The following PON3 variants were observed in gnomAD, a reference collection of about 807,000 sequenced individuals.
PON3 encodes paraoxonase 3.
PON3 carries 37 observed loss-of-function variants against 36.3 expected under a neutral mutation model. The ratio of observed to expected loss-of-function variants is 1.02; its 90% CI spans 0.78 to 1.34. The LOEUF is 1.34. PON3 is among the 40% of genes most tolerant of loss of function. The pLI, the probability that PON3 is intolerant of heterozygous loss-of-function variation, is 0.00. For missense variants in PON3, 415 were observed against 426.5 expected (o/e 0.97, Z 0.24); for synonymous variants, 155 against 154.8 (o/e 1.00, Z -0.01).
intron 5 of PON3, among the ~76,000 whole-genome samples, chr7:95,366,711 A>G (rs2116381662): frequency 6.6e-6 from 1 of 152,356 alleles, no homozygotes; most frequent in South Asian, 2.1e-4. Context: ...TTGAATTCAG[A>G]TGGATCTGGG....
chr7:95,383,137 C>T (rs920908055), intron 3 of PON3, among the ~76,000 whole-genome samples: 20 of 151,996 alleles, frequency 1.3e-4, no homozygotes, highest in African/African-American at 1.9e-4. Flanking sequence ...AAAAGGCCTT[C>T]GACAAAATTC....
chr7:95,372,553 T>C (rs1184599518), intron 3 of PON3, among the ~76,000 whole-genome samples: 1 of 152,126 alleles, frequency 6.6e-6, no homozygotes, highest in African/African-American at 2.4e-5. Context: ...AAGAACCATA[T>C]TCAAGATAAG....
chr7:95,376,392 A>T (rs1335868327), intron 3 of PON3, among the ~76,000 whole-genome samples: 2 of 152,220 alleles, frequency 1.3e-5, no homozygotes, highest in Non-Finnish European at 2.9e-5. Context: ...AGCAACTTCC[A>T]AACATCTTCT....
At chr7:95,360,620 T>C (rs1023849560) in intron 8 of PON3, among the ~76,000 whole-genome samples, 1 of 152,046 alleles carries the variant, frequency 6.6e-6, no homozygotes, top group African/African-American at 2.4e-5. Context: ...TGGATACTAC[T>C]TTGGAATTTC....
chr7:95,362,562 A>T (rs1299482776), intron 7 of PON3, 72 bp from the exon 8 acceptor site: 6 of 1,602,148 alleles, frequency 3.7e-6, no homozygotes, highest in Non-Finnish European at 4.3e-6. Flanking sequence ...TCATCCCCAC[A>T]ACCCCTACAG....
At position 95,393,905 on chromosome 7, in the gene PON3, T is replaced by C. The variant is rs571125143; in HGVS notation, c.145+739A>G. On this transcript the variant is annotated intron_variant, in intron 2 of 8. Transcript: ENST00000265627. ...GGCTGTGAGGTTCCTTCGTTTATTATTTTTTTTAAGACAAAGTCTCGCTCT... is the reference window on the plus strand; with the variant it reads ...GGCTGTGAGGTTCCTTCGTTTATTACTTTTTTTAAGACAAAGTCTCGCTCT... Among the ~76,000 whole-genome samples, 228 of 151,912 alleles carry C rather than the reference T, an allele frequency of 1.5e-3. 1 individual carries two copies. Among genetic ancestry groups the C allele is most frequent in the Middle Eastern group, 6.9e-3 (2 of 290 alleles).
chr7:95,360,046 G>A lies in PON3; in HGVS notation c.992C>T (p.Ser331Phe), dbSNP rs1336512024. The A allele has an allele frequency of 3.7e-6, 6 of 1,612,686 alleles. No individual in the cohort carries two copies. The African/African-American group carries it at 8.1e-5, about 22-fold the overall frequency. ...TTTCCCATGGTACACAGAAGCCACA[G>A]AGGTGCCCTGAAGCACAGAGCCATT... ...ANNGSVLQGT[S>F]VASVYHGKIL... The change falls in exon 9 of 9, where the codon TCT becomes TTT. Residue 331 changes from serine to phenylalanine, a missense_variant. Physicochemically the swap from Ser to Phe is radical, Grantham distance 155 (BLOSUM62 -2). Coordinates refer to ENST00000265627, the MANE Select transcript of PON3 (RefSeq NM_000940.3).
chr7:95,362,868 A>T, intron 6 of PON3, 27 bp from the exon 7 acceptor site: 1 of 1,517,638 alleles, frequency 6.6e-7, no homozygotes, highest in South Asian at 1.1e-5. Flanking sequence ...ATTTACACTT[A>T]AGCAAGTGGT....
At chr7:95,378,524 A>G (rs1808971837) in intron 3 of PON3, among the ~76,000 whole-genome samples, 1 of 152,234 alleles carries the variant, frequency 6.6e-6, no homozygotes, top group Non-Finnish European at 1.5e-5. Context: ...GTTACCCACA[A>G]AAGGAAGCCC....
intron 4 of PON3, among the ~76,000 whole-genome samples, chr7:95,370,817 C>G (rs895692639): frequency 1.3e-5 from 2 of 152,196 alleles, no homozygotes; most frequent in African/African-American, 4.8e-5. Context: ...ATAATTCACA[C>G]ACCACTGAAT....
chr7:95,386,330 A>G (rs1809189393), intron 3 of PON3, among the ~76,000 whole-genome samples: 1 of 152,214 alleles, frequency 6.6e-6, no homozygotes, highest in African/African-American at 2.4e-5. Flanking sequence ...AATACAAACT[A>G]CCATCAGAGA....
At chr7:95,372,878 AT>A (rs2116391771) in intron 3 of PON3, among the ~76,000 whole-genome samples, 1 of 152,268 alleles carries the variant, frequency 6.6e-6, no homozygotes, top group African/African-American at 2.4e-5. Context: ...ATAGTTGACT[AT>A]TTTTGACCTA....
intron 2 of PON3, among the ~76,000 whole-genome samples, chr7:95,392,714 T>C (rs1809344819): frequency 6.6e-6 from 1 of 152,238 alleles, no homozygotes; most frequent in Admixed American, 6.5e-5. Flanking sequence ...CCATCTGGCA[T>C]TCATTCTACA....
In PON3 at chr7:95,360,153, T is replaced by G. The variant is rs1808535186; in HGVS notation, c.907-22A>C. 5.0e-6 allele frequency: 8 copies of G among 1,602,680 alleles called. No homozygotes were observed. In the African/African-American group the frequency reaches 9.4e-5, roughly 19 times the overall value. On this transcript the variant is annotated intron_variant, in intron 8 of 8. Coordinates refer to ENST00000265627, the MANE Select transcript of PON3 (RefSeq NM_000940.3). ...GTACCTGTCGAGAAAAGATCGTTTA[T>G]TAGTATATTATGTGAGTAAACACCT...
intron 3 of PON3, among the ~76,000 whole-genome samples, chr7:95,376,728 T>A (rs1342176299): frequency 6.6e-6 from 1 of 152,040 alleles, no homozygotes; most frequent in East Asian, 1.9e-4. Flanking sequence ...GAATCATCAC[T>A]TTTAGTGGTA....
At chr7:95,377,221 G>C (rs1808939059) in intron 3 of PON3, among the ~76,000 whole-genome samples, 1 of 152,172 alleles carries the variant, frequency 6.6e-6, no homozygotes, top group Non-Finnish European at 1.5e-5. Context: ...GCTGAGGCTT[G>C]AGTAGGCGGT....
At chr7:95,393,904 AT>A (rs1015294994) in intron 2 of PON3, among the ~76,000 whole-genome samples, 4 of 151,698 alleles carry the variant, frequency 2.6e-5, no homozygotes, top group African/African-American at 9.7e-5. Flanking sequence ...TTCGTTTATT[AT>A]TTTTTTTAAG....
intron 3 of PON3, among the ~76,000 whole-genome samples, chr7:95,374,712 CTTTAT>C (rs1808877774): frequency 1.3e-5 from 2 of 152,102 alleles, no homozygotes; most frequent in African/African-American, 4.8e-5. Context: ...CTCCAAATTA[CTTTAT>C]TTTGATAACT....
intron 3 of PON3, among the ~76,000 whole-genome samples, chr7:95,381,850 G>A (rs1455100554): frequency 6.6e-6 from 1 of 152,164 alleles, no homozygotes; most frequent in African/African-American, 2.4e-5. Flanking sequence ...GCACCAAGCA[G>A]ACCTAATAGA....
Sources: gnomAD v4.1 joint callset for allele counts (sites outside exome capture counted in the v4.1 genomes callset) on GRCh38, gnomAD v4.1.1 for gene constraint, MANE v1.5 for transcripts, NCBI Gene and HGNC (gene_info 2026-07-23, HGNC 2026-07-21) for gene names.